LMBR1: variants seen among roughly 807,000 people sequenced by gnomAD.
LMBR1 encodes limb development membrane protein 1.
Under a neutral mutation model 73.9 loss-of-function variants are expected in LMBR1, and 52 were observed. That is an observed-to-expected ratio of 0.70 (90% CI 0.56 to 0.89). The LOEUF (loss-of-function observed/expected upper bound fraction) is 0.89. Ranked by LOEUF, LMBR1 falls within the 40% of genes least tolerant of loss-of-function variation. The pLI is 0.00. For synonymous variants in LMBR1, 215 were observed against 209.4 expected, an observed-to-expected ratio of 1.03 and a Z score of -0.23; for missense variants, 539 against 579.8, an observed-to-expected ratio of 0.93 and a Z score of 0.72.
At chr7:156,756,353 GA>G (rs370922602) in intron 9 of LMBR1, 39 bp downstream of exon 9, 38 of 972,012 alleles carry the variant, frequency 3.9e-5, no homozygotes, top group South Asian at 3.7e-4. Context: ...AAATTAAAAA[GA>G]TTTTTTTATC....
At chr7:156,676,669 G>A (rs1804118696), downstream of LMBR1, 1 of 1,601,490 alleles carries the variant, frequency 6.2e-7, no homozygotes, top group Non-Finnish European at 8.6e-7. Flanking sequence ...CATAGTCAAG[G>A]AAAGTTAGGT....
chr7:156,742,885 T>G (rs960544310), intron 9 of LMBR1, among the ~76,000 whole-genome samples: 1 of 151,994 alleles, frequency 6.6e-6, no homozygotes, highest in Non-Finnish European at 1.5e-5. Context: ...CAACAACACA[T>G]TAAAAAGATC....
chr7:156,759,548 G>A (rs1822575537), intron 8 of LMBR1, among the ~76,000 whole-genome samples: 1 of 152,120 alleles, frequency 6.6e-6, no homozygotes, highest in Non-Finnish European at 1.5e-5. Context: ...AATTATGTGT[G>A]TAAAATATAG....
intron 5 of LMBR1, among the ~76,000 whole-genome samples, chr7:156,795,534 A>T (rs990857221): frequency 2.6e-5 from 4 of 152,168 alleles, no homozygotes; most frequent in African/African-American, 9.7e-5. Context: ...CCTTCTCAAG[A>T]GTCTACAATG....
intron 5 of LMBR1, among the ~76,000 whole-genome samples, chr7:156,766,843 A>T (rs1331097456): frequency 1.3e-5 from 2 of 152,200 alleles, no homozygotes; most frequent in Middle Eastern, 3.2e-3. Context: ...GAATGTCATC[A>T]TGATGGTGTG....
rs1245017996 is a variant in LMBR1, at chr7:156,800,482, C to CAAAAAAAAAAAAAAAAAA, written c.320-4008_320-3991dup. On this transcript the variant is annotated intron_variant, in intron 4 of 16. Coordinates refer to ENST00000353442, the MANE Select transcript of LMBR1 (RefSeq NM_022458.4). Reference sequence around the variant, plus strand: ...AAGCCTACTGTTAAGACTTGCTACTCAAAAAAAAAAAAAAAAAAGATTTTC... The same window carrying CAAAAAAAAAAAAAAAAAA: ...AAGCCTACTGTTAAGACTTGCTACTCAAAAAAAAAAAAAAAAAAAAAAAAAAAAAAAAAAAAGATTTTC... Among the ~76,000 whole-genome samples, 363 of 80,942 alleles carry CAAAAAAAAAAAAAAAAAA rather than the reference C, an allele frequency of 4.5e-3. 17 individuals are homozygous for CAAAAAAAAAAAAAAAAAA. The highest frequency in any genetic ancestry group is 6.9e-3 in the Non-Finnish European group (289 of 41,970). The allele number at this position is 80,942 out of a possible 152,430, so 53.1% of individuals were successfully genotyped here. A position where few individuals can be genotyped will look rare whatever the true frequency, so the allele number is the denominator to read the frequency against.
chr7:156,797,621 T>A (rs747686628), intron 4 of LMBR1, among the ~76,000 whole-genome samples: 12 of 152,184 alleles, frequency 7.9e-5, no homozygotes, highest in Non-Finnish European at 1.3e-4. Flanking sequence ...AGCAGAGCCG[T>A]CCCTAACTAC....
chr7:156,776,895 C>A (rs1826239320), intron 5 of LMBR1, among the ~76,000 whole-genome samples: 1 of 151,816 alleles, frequency 6.6e-6, no homozygotes, highest in Non-Finnish European at 1.5e-5. Flanking sequence ...AATCTTTATA[C>A]TGATCTCTGG....
chr7:156,708,169 G>A (rs560038955), intron 15 of LMBR1, among the ~76,000 whole-genome samples: 1 of 152,264 alleles, frequency 6.6e-6, no homozygotes, highest in African/African-American at 2.4e-5. Flanking sequence ...CACTTGGAAG[G>A]ACAGAACAGT....
chr7:156,857,696 C>A (rs1035902342), intron 1 of LMBR1, among the ~76,000 whole-genome samples: 4 of 152,170 alleles, frequency 2.6e-5, no homozygotes, highest in African/African-American at 9.7e-5. Flanking sequence ...TAAGACATAT[C>A]ATATTCTGGT....
chr7:156,839,568 A>G (rs1756158145), intron 1 of LMBR1, among the ~76,000 whole-genome samples: 1 of 152,172 alleles, frequency 6.6e-6, no homozygotes, highest in Admixed American at 6.5e-5. Flanking sequence ...AAGTCTAGAG[A>G]ATATCCCTTG....
intron 4 of LMBR1, among the ~76,000 whole-genome samples, chr7:156,799,292 T>A (rs1442837348): frequency 6.6e-6 from 1 of 152,180 alleles, no homozygotes; most frequent in African/African-American, 2.4e-5. Flanking sequence ...GTGTGACGGT[T>A]TGTGACAACT....
At chr7:156,833,284 T>TTGAAGTA (rs1837004274) in intron 3 of LMBR1, among the ~76,000 whole-genome samples, 1 of 152,224 alleles carries the variant, frequency 6.6e-6, no homozygotes, top group African/African-American at 2.4e-5. Flanking sequence ...CTGCTTTCCA[T>TTGAAGTA]TCAGTTTGAT....
At chr7:156,731,467 A>G (rs58396176) in intron 10 of LMBR1, among the ~76,000 whole-genome samples, 28,142 of 152,178 alleles carry the variant, frequency 0.18, 2,783 homozygotes, top group African/African-American at 0.27. Flanking sequence ...ATCTAAGCAT[A>G]TCAGAGTAAA....
At chr7:156,796,755 A>C (rs1435249147) in intron 4 of LMBR1, among the ~76,000 whole-genome samples, 2 of 152,224 alleles carry the variant, frequency 1.3e-5, no homozygotes, top group Non-Finnish European at 2.9e-5. Flanking sequence ...ACGTGTGCAG[A>C]GATCCAAAGG....
chr7:156,744,264 A>T (rs1189189267), intron 9 of LMBR1, among the ~76,000 whole-genome samples: 1 of 152,130 alleles, frequency 6.6e-6, no homozygotes, highest in African/African-American at 2.4e-5. Flanking sequence ...AGCAACCAGT[A>T]GCAGGTTGCA....
At chr7:156,676,237 A>ATGTG (rs140092411), downstream of LMBR1, 79 of 1,360,470 alleles carry the variant, frequency 5.8e-5, no homozygotes, top group African/African-American at 2.6e-4. Flanking sequence ...AACAGAGTAT[A>ATGTG]TGTGTGTGTA....
intron 9 of LMBR1, among the ~76,000 whole-genome samples, chr7:156,751,466 G>A (rs953511123): frequency 5.9e-5 from 9 of 152,208 alleles, no homozygotes; most frequent in African/African-American, 2.2e-4. Flanking sequence ...AAGGACTCTT[G>A]CTGTTATCCA....
At chr7:156,708,004 C>G (rs1207454439) in intron 15 of LMBR1, among the ~76,000 whole-genome samples, 2 of 146,094 alleles carry the variant, frequency 1.4e-5, no homozygotes, top group African/African-American at 5.1e-5. Context: ...AATACAAAAT[C>G]AATGTACAAA....
Sources: gnomAD v4.1 joint callset for allele counts (sites outside exome capture counted in the v4.1 genomes callset) on GRCh38, gnomAD v4.1.1 for gene constraint, MANE v1.5 for transcripts, NCBI Gene and HGNC (gene_info 2026-07-23, HGNC 2026-07-21) for gene names.